The following RBPMS2 variants were observed in gnomAD, a reference collection of about 807,000 sequenced individuals.
RBPMS2 encodes the protein RNA-binding protein with multiple splicing 2.
Under a neutral mutation model 25.7 loss-of-function variants are expected in RBPMS2, and 14 were observed. The ratio of observed to expected loss-of-function variants is 0.55; its 90% CI spans 0.36 to 0.85. The LOEUF (loss-of-function observed/expected upper bound fraction) is 0.85. RBPMS2 is among the 40% of genes least tolerant of loss of function. RBPMS2 has a pLI of 0.01. For missense variants in RBPMS2, 252 were observed against 283.4 expected, an observed-to-expected ratio of 0.89 and a Z score of 0.80; for synonymous variants, 127 against 115.6, an observed-to-expected ratio of 1.10 and a Z score of -0.63.
At chr15:64,751,700 G>A (rs149633025) in intron 1 of RBPMS2, 62 bp from the exon 2 acceptor site, 16 of 1,385,230 alleles carry the variant, frequency 1.2e-5, no homozygotes, top group African/African-American at 7.1e-5. Context: ...TGACAACAGC[G>A]CTTCCTTCAG....
intron 1 of RBPMS2, chr15:64,761,103 G>C (rs1413785167): frequency 6.6e-6 from 1 of 151,424 alleles, no homozygotes; most frequent in Non-Finnish European, 1.5e-5. Context: ...AATCTGGAAA[G>C]GAAGAATTGT....
At position 64,765,595 on chromosome 15, in the gene RBPMS2, C is replaced by CG. The variant is rs5813320; in HGVS notation, c.87+9637dup. Among the ~76,000 whole-genome samples, 882 of 150,364 alleles carry CG rather than the reference C, an allele frequency of 5.9e-3. 7 individuals are homozygous for CG. The highest frequency in any genetic ancestry group is 0.011 in the South Asian group (52 of 4,738). The stretch of plus-strand genomic sequence containing the variant: ...TCCTGTGTCAGAATAAAAAAAAGGG[C>CG]GGGGGGGGACCAGTCTGGGCAAAAA... On this transcript the variant is annotated intron_variant, in intron 1 of 7. Transcript: ENST00000300069.
At chr15:64,744,526 C>A (rs866341725) in intron 6 of RBPMS2, among the ~76,000 whole-genome samples, 41 of 149,008 alleles carry the variant, frequency 2.8e-4, no homozygotes, top group South Asian at 2.3e-3. Context: ...CCATTGCACT[C>A]CAGCCTGGGC....
At chr15:64,741,903 C>T (rs909292405) in intron 6 of RBPMS2, among the ~76,000 whole-genome samples, 8 of 152,184 alleles carry the variant, frequency 5.3e-5, no homozygotes, top group Admixed American at 2.0e-4. Context: ...CAGCGGCTCA[C>T]GCCTGTAATC....
At chr15:64,766,722 G>A (rs1207534810) in intron 1 of RBPMS2, among the ~76,000 whole-genome samples, 2 of 151,890 alleles carry the variant, frequency 1.3e-5, no homozygotes, top group Non-Finnish European at 1.5e-5. Flanking sequence ...GTAGAGACTG[G>A]GTTTCACCGT....
intron 6 of RBPMS2, 79 bp from the exon 7 acceptor site, chr15:64,741,321 G>A (rs535322866): frequency 3.4e-4 from 380 of 1,130,042 alleles, no homozygotes; most frequent in Non-Finnish European, 4.2e-4. Flanking sequence ...GGCCATCGGT[G>A]TCCCCGCTGG....
intron 1 of RBPMS2, among the ~76,000 whole-genome samples, chr15:64,753,569 C>T (rs977647062): frequency 2.6e-5 from 4 of 152,184 alleles, no homozygotes; most frequent in Non-Finnish European, 4.4e-5. Flanking sequence ...CTCTCAGCCA[C>T]GGTGAAGACA....
chr15:64,765,735 G>A (rs776957269), intron 1 of RBPMS2, among the ~76,000 whole-genome samples: 79 of 152,144 alleles, frequency 5.2e-4, no homozygotes, highest in Non-Finnish European at 8.4e-4. Flanking sequence ...TACGAGGTCA[G>A]GAGTTCGAGA....
chr15:64,751,397 G>A (rs2083678569), intron 2 of RBPMS2, among the ~76,000 whole-genome samples, 164 bp downstream of exon 2: 1 of 151,604 alleles, frequency 6.6e-6, no homozygotes, highest in Admixed American at 6.6e-5. Context: ...GGCTCAGAAG[G>A]CAGCATGTGA....
intron 1 of RBPMS2, 134 bp downstream of exon 1, chr15:64,775,099 G>T: frequency 2.6e-6 from 1 of 386,246 alleles, no homozygotes; most frequent in Non-Finnish European, 4.2e-6. Context: ...CTACCCGGGC[G>T]AGAGGGCAGC....
chr15:64,749,299 G>C lies in RBPMS2; in HGVS notation c.267+132C>G, dbSNP rs2083651897. 2.3e-6 allele frequency: 3 copies of C among 1,297,474 alleles called. No homozygotes were observed. The African/African-American group carries it at 4.4e-5, about 19-fold the overall frequency. 80.4% of individuals were successfully genotyped at this position (1,297,474 alleles called of 1,614,324 possible). A position where few individuals can be genotyped will look rare whatever the true frequency, so the allele number is the denominator to read the frequency against. ...GCAGAGGAAAGGCAGCTCAGGCCTTGAGTAATGGCCTTTGGCACAGACAGT... is the reference window on the plus strand; with the variant it reads ...GCAGAGGAAAGGCAGCTCAGGCCTTCAGTAATGGCCTTTGGCACAGACAGT... On this transcript the variant is annotated intron_variant, in intron 4 of 7. Coordinates refer to ENST00000300069, the MANE Select transcript of RBPMS2 (RefSeq NM_194272.3).
At chr15:64,762,246 C>T (rs958121812) in intron 1 of RBPMS2, 9 of 418,480 alleles carry the variant, frequency 2.2e-5, no homozygotes, top group South Asian at 3.6e-5. Context: ...GATGATGCCA[C>T]GGTGAATCCT....
intron 1 of RBPMS2, among the ~76,000 whole-genome samples, chr15:64,772,366 A>G (rs1194672501): frequency 6.6e-6 from 1 of 152,202 alleles, no homozygotes; most frequent in South Asian, 2.1e-4. Flanking sequence ...ACTTACCTGC[A>G]GGACAGCACA....
At chr15:64,763,581 T>C (rs529469375) in intron 1 of RBPMS2, among the ~76,000 whole-genome samples, 6 of 152,308 alleles carry the variant, frequency 3.9e-5, no homozygotes, top group African/African-American at 1.4e-4. Context: ...CTGCACCTTG[T>C]AGTTTCATTC....
intron 1 of RBPMS2, among the ~76,000 whole-genome samples, chr15:64,757,739 C>T (rs997273757): frequency 6.6e-6 from 1 of 152,140 alleles, no homozygotes; most frequent in Non-Finnish European, 1.5e-5. Flanking sequence ...GTGGTACCTA[C>T]GTCAGGGTAA....
At chr15:64,765,950 GC>G (rs200992493) in intron 1 of RBPMS2, among the ~76,000 whole-genome samples, 1,900 of 150,900 alleles carry the variant, frequency 0.013, 31 homozygotes, top group African/African-American at 0.045. Context: ...CTAAGACTGA[GC>G]CACTGCACTC....
chr15:64,740,915 G>A lies in RBPMS2; in HGVS notation c.*93C>T. 2 of 428,756 alleles carry A rather than the reference G, an allele frequency of 4.7e-6. No homozygotes were observed. The highest frequency in any genetic ancestry group is 4.6e-5 in the East Asian group (1 of 21,726). 26.6% of individuals were successfully genotyped at this position (428,756 alleles called of 1,614,324 possible). On this transcript the variant is annotated 3_prime_UTR_variant, in exon 8 of 8. Transcript: ENST00000300069. The stretch of plus-strand genomic sequence containing the variant: ...AGTCTCTGGAGGGCAGCAGCTCTGT[G>A]CAGGCCGCCCGGGGGCAGTGGGAAC...
chr15:64,753,699 C>T (rs1021969837), intron 1 of RBPMS2, among the ~76,000 whole-genome samples: 16 of 152,246 alleles, frequency 1.1e-4, no homozygotes, highest in South Asian at 4.1e-4. Context: ...CCTTGGGACA[C>T]GTCTTCCCCT....
At position 64,775,322 on chromosome 15, in the gene RBPMS2, T is replaced by C; in HGVS notation, c.-3A>G. 1 of 1,297,626 alleles carries C rather than the reference T, an allele frequency of 7.7e-7. No homozygotes were observed. Among genetic ancestry groups the C allele is most frequent in the Non-Finnish European group, 9.8e-7 (1 of 1,017,192 alleles). 80.4% of individuals were successfully genotyped at this position (1,297,626 alleles called of 1,614,324 possible). On this transcript the variant is annotated 5_prime_UTR_variant, in exon 1 of 8. Transcript: ENST00000300069. ...CCGTCCGGCTTCAGGTTGCTCATGG[T>C]GCGGGGGAGGGGGCGGCGGGAAGGA...
Sources: gnomAD v4.1 joint callset for allele counts (sites outside exome capture counted in the v4.1 genomes callset) on GRCh38, gnomAD v4.1.1 for gene constraint, MANE v1.5 for transcripts, NCBI Gene and HGNC (gene_info 2026-07-23, HGNC 2026-07-21) for gene names.